MAGEC3: variants seen among roughly 807,000 people sequenced by gnomAD.
MAGEC3 encodes melanoma-associated antigen C3.
A neutral mutation model predicts 35.3 loss-of-function variants in MAGEC3; 34 were observed. That is an observed-to-expected ratio of 0.96 (90% confidence interval 0.73 to 1.28). The LOEUF (loss-of-function observed/expected upper bound fraction) is 1.28. MAGEC3 is among the 50% of genes most tolerant of loss of function. MAGEC3 has a pLI of 0.00. For missense variants in MAGEC3, 561 were observed against 483.6 expected, an observed-to-expected ratio of 1.16 and a Z score of -1.50; for synonymous variants, 202 against 185.6, an observed-to-expected ratio of 1.09 and a Z score of -0.72.
chrX:141,893,668 G>C (rs1262222868), intron 4 of MAGEC3, among the ~76,000 whole-genome samples: 1 of 102,212 alleles, frequency 9.8e-6, no homozygotes, highest in Admixed American at 1.1e-4. Flanking sequence ...GTGTGTGTGT[G>C]TGTGTGTCTG....
intron 1 of MAGEC3, among the ~76,000 whole-genome samples, chrX:141,854,636 G>T (rs2017769907): frequency 9.0e-6 from 1 of 111,135 alleles, no homozygotes; most frequent in Non-Finnish European, 1.9e-5. Context: ...GCTCCTCCTT[G>T]CCTTCTTCCA....
chrX:141,841,263 G>A (rs1172644747), intron 1 of MAGEC3, among the ~76,000 whole-genome samples: 1 of 111,428 alleles, frequency 9.0e-6, no homozygotes, highest in Non-Finnish European at 1.9e-5. Flanking sequence ...GACTCCTTTT[G>A]GATATTTCAG....
At chrX:141,896,609 TC>T in intron 6 of MAGEC3, 4 of 1,194,925 alleles carry the variant, frequency 3.3e-6, no homozygotes, top group Non-Finnish European at 4.5e-6. Context: ...ATCATCCCCA[TC>T]CCTGCTCACA....
chrX:141,884,659 A>G (rs1011771401), intron 4 of MAGEC3, among the ~76,000 whole-genome samples: 4 of 111,491 alleles, frequency 3.6e-5, no homozygotes, highest in Non-Finnish European at 7.5e-5. Flanking sequence ...TCTAATTCTA[A>G]TGGCGTGGAG....
At chrX:141,868,828 T>G (rs2017867429) in intron 2 of MAGEC3, among the ~76,000 whole-genome samples, 2 of 109,213 alleles carry the variant, frequency 1.8e-5, no homozygotes, top group Non-Finnish European at 3.8e-5. Flanking sequence ...GCTATATAAG[T>G]TCTTTGATTT....
At chrX:141,866,165 A>G (rs950282753) in intron 2 of MAGEC3, among the ~76,000 whole-genome samples, 7 of 111,983 alleles carry the variant, frequency 6.3e-5, no homozygotes, top group Admixed American at 2.8e-4. Flanking sequence ...AGGAAGTCTA[A>G]TATATCATTT....
chrX:141,879,502 A>C, intron 3 of MAGEC3, 71 bp downstream of exon 3: 1 of 1,077,003 alleles, frequency 9.3e-7, no homozygotes, highest in African/African-American at 1.9e-5. Flanking sequence ...AGAGGTGGGC[A>C]GGAAGGGGTG....
At chrX:141,856,390 G>T (rs2124092528) in intron 1 of MAGEC3, among the ~76,000 whole-genome samples, 1 of 111,161 alleles carries the variant, frequency 9.0e-6, no homozygotes, top group African/African-American at 3.3e-5. Context: ...TGCAAAAAAG[G>T]ATGGCCCTTT....
chrX:141,853,329 T>A (rs2124089959), intron 1 of MAGEC3, among the ~76,000 whole-genome samples: 1 of 111,317 alleles, frequency 9.0e-6, no homozygotes, highest in African/African-American at 3.3e-5. Flanking sequence ...GTATTCCCTT[T>A]GATATAGCCT....
Position 141,869,782 on chromosome X carries a change from C to T in MAGEC3, c.258+4177C>T, listed in dbSNP as rs775150835. Among the ~76,000 whole-genome samples, 25 of 112,204 alleles carry T rather than the reference C, an allele frequency of 2.2e-4. 1 individual carries two copies. The highest frequency in any genetic ancestry group is 2.2e-3 in the Admixed American group (23 of 10,617). The stretch of plus-strand genomic sequence containing the variant: ...AACTGACAAAGAAATTTGGTTATTT[C>T]TGTGGTTTACAATAACCTAACATAA... On this transcript the variant is annotated intron_variant, in intron 2 of 7. Transcript: ENST00000298296.
chrX:141,845,531 T>C (rs764350828), intron 1 of MAGEC3, among the ~76,000 whole-genome samples: 1 of 111,438 alleles, frequency 9.0e-6, no homozygotes, highest in East Asian at 2.8e-4. Context: ...GAAGTTATGC[T>C]TGAGGTGTAA....
intron 4 of MAGEC3, among the ~76,000 whole-genome samples, chrX:141,886,301 G>T (rs1007381691): frequency 9.0e-6 from 1 of 111,005 alleles, no homozygotes; most frequent in African/African-American, 3.3e-5. Context: ...GAGAATAACG[G>T]CCCCTCAATT....
chrX:141,876,943 G>T (rs1276070185), intron 2 of MAGEC3, among the ~76,000 whole-genome samples: 1 of 112,042 alleles, frequency 8.9e-6, no homozygotes, highest in Admixed American at 9.4e-5. Context: ...CTTCATTATA[G>T]TAGCTTTGTA....
chrX:141,891,740 T>G (rs1167411016), intron 4 of MAGEC3, among the ~76,000 whole-genome samples: 1 of 106,053 alleles, frequency 9.4e-6, no homozygotes, highest in African/African-American at 3.4e-5. Context: ...TATGCATATA[T>G]TTATATATGT....
At chrX:141,881,260 C>A in intron 3 of MAGEC3, 143 bp from the exon 4 acceptor site, 1 of 630,927 alleles carries the variant, frequency 1.6e-6, no homozygotes, top group Non-Finnish European at 2.4e-6. Flanking sequence ...TGCTGGGATG[C>A]TGCCTCTTCC....
At chrX:141,848,095 A>G (rs2017728069) in intron 1 of MAGEC3, among the ~76,000 whole-genome samples, 1 of 109,936 alleles carries the variant, frequency 9.1e-6, no homozygotes, top group Non-Finnish European at 1.9e-5. Flanking sequence ...ATGTATAAAT[A>G]TATATACACG....
chrX:141,895,357 C>G lies in MAGEC3; in HGVS notation c.998C>G (p.Ser333Cys). The G allele has an allele frequency of 8.3e-7, 1 of 1,210,903 alleles. No individual in the cohort carries two copies. ...SEGPEAFCEE[S>C]GLRSAEGSVL... ...GGACCTGAAGCATTTTGCGAGGAGT[C>G]TGGACTCAGGTCAGCAGAGGGAAGC... is the stretch of plus-strand genomic sequence containing the variant. Residue 333 changes from serine to cysteine, a missense_variant, in exon 5 of 8, where the codon TCT (serine) becomes TGT (cysteine). Physicochemically the swap from Ser to Cys is moderately radical, Grantham distance 112. Transcript: ENST00000298296.
chrX:141,844,133 A>G (rs1270606967), intron 1 of MAGEC3, among the ~76,000 whole-genome samples: 1 of 111,224 alleles, frequency 9.0e-6, no homozygotes, highest in Non-Finnish European at 1.9e-5. Flanking sequence ...GGATATGTGC[A>G]ATTATAGTTC....
chrX:141,894,175 A>G (rs1338310537), intron 4 of MAGEC3, among the ~76,000 whole-genome samples: 1 of 111,945 alleles, frequency 8.9e-6, no homozygotes, highest in Admixed American at 9.5e-5. Context: ...CTCAAAAGAG[A>G]TGCACAGGGG....
Sources: allele counts gnomAD v4.1 joint callset (sites outside exome capture counted in the v4.1 genomes callset), GRCh38; gene constraint gnomAD v4.1.1; transcripts MANE v1.5; gene names NCBI Gene and HGNC (gene_info 2026-07-23, HGNC 2026-07-21).